Variants in MCTP1 observed in about 807,000 individuals in gnomAD.
The protein encoded by MCTP1 is multiple C2 and transmembrane domain-containing protein 1.
In MCTP1, 69 loss-of-function variants were observed where a neutral mutation model predicts 120.6. That is an observed-to-expected ratio of 0.57 (90% CI 0.47 to 0.70). The LOEUF is 0.70. MCTP1 is among the 30% of genes least tolerant of loss of function. The pLI is 0.00. For synonymous variants in MCTP1, 529 were observed against 493.1 expected (o/e 1.07, Z -0.96); for missense variants, 1,203 against 1,248.8 (o/e 0.96, Z 0.55).
At chr5:95,031,434 C>T (rs910896831) in intron 1 of MCTP1, among the ~76,000 whole-genome samples, 1 of 152,206 alleles carries the variant, frequency 6.6e-6, no homozygotes. Context: ...TAACAGTGGA[C>T]TTCTCAGCAG....
intron 6 of MCTP1, among the ~76,000 whole-genome samples, chr5:94,924,761 G>A (rs1323302507): frequency 6.6e-6 from 1 of 152,158 alleles, no homozygotes; most frequent in African/African-American, 2.4e-5. Flanking sequence ...GTCTCTAGGT[G>A]TCAGTTATGA....
chr5:95,204,454 T>C (rs907972409), intron 1 of MCTP1, among the ~76,000 whole-genome samples: 1 of 152,180 alleles, frequency 6.6e-6, no homozygotes, highest in Non-Finnish European at 1.5e-5. Context: ...CCCCTGACCC[T>C]AAGATCAGGA....
At chr5:95,204,915 G>T (rs1751455577) in intron 1 of MCTP1, among the ~76,000 whole-genome samples, 2 of 152,030 alleles carry the variant, frequency 1.3e-5, no homozygotes, top group African/African-American at 4.8e-5. Context: ...ATATCATTAA[G>T]ATGGCAATGC....
chr5:94,770,875 C>A (rs973826623), intron 19 of MCTP1, among the ~76,000 whole-genome samples: 1 of 152,112 alleles, frequency 6.6e-6, no homozygotes, highest in Non-Finnish European at 1.5e-5. Flanking sequence ...GATTCCTCAC[C>A]GTGCCTAATC....
At chr5:94,954,647 C>A (rs555508028) in intron 2 of MCTP1, among the ~76,000 whole-genome samples, 77 of 152,260 alleles carry the variant, frequency 5.1e-4, no homozygotes, top group Middle Eastern at 3.4e-3. Context: ...TTGATATCAT[C>A]TGGTCAACTA....
At chr5:95,173,378 T>C (rs1292009007) in intron 1 of MCTP1, among the ~76,000 whole-genome samples, 1 of 152,094 alleles carries the variant, frequency 6.6e-6, no homozygotes, top group Non-Finnish European at 1.5e-5. Context: ...AAGTAAAATA[T>C]AATCATAACC....
At chr5:95,254,846 G>A (rs1757719373) in intron 1 of MCTP1, among the ~76,000 whole-genome samples, 2 of 152,162 alleles carry the variant, frequency 1.3e-5, no homozygotes, top group Middle Eastern at 6.8e-3. Context: ...TGGAAGCATT[G>A]TTATACTAAT....
intron 1 of MCTP1, among the ~76,000 whole-genome samples, chr5:95,171,795 CTAGTTAGCCATTCATCTCATCTT>C (rs2152497960): frequency 6.6e-6 from 1 of 152,248 alleles, no homozygotes; most frequent in East Asian, 1.9e-4. Context: ...ACTGGTTAAT[CTAGTTAGCCATTCATCTCATCTT>C]TTTTCAAGGT....
At chr5:95,015,102 A>T (rs1477817867) in intron 2 of MCTP1, among the ~76,000 whole-genome samples, 1 of 152,140 alleles carries the variant, frequency 6.6e-6, no homozygotes, top group Non-Finnish European at 1.5e-5. Context: ...AATGCTATTC[A>T]CACTTAATAG....
intron 2 of MCTP1, among the ~76,000 whole-genome samples, chr5:94,965,607 C>G (rs1825401988): frequency 6.6e-6 from 1 of 152,108 alleles, no homozygotes; most frequent in African/African-American, 2.4e-5. Flanking sequence ...TTCTTAGTCT[C>G]AACAGGTATT....
chr5:94,772,730 G>A (rs544660111), intron 19 of MCTP1, among the ~76,000 whole-genome samples: 1 of 152,300 alleles, frequency 6.6e-6, no homozygotes, highest in Admixed American at 6.5e-5. Flanking sequence ...GGGGTGAAAG[G>A]TATATTCCCT....
rs994941054 is a variant in MCTP1, at chr5:95,283,890, G to T, written c.686C>A (p.Ala229Asp). 7.2e-7 allele frequency: 1 copy of T among 1,383,684 alleles called. No individual in the cohort carries two copies. Among genetic ancestry groups the T allele is most frequent in the Non-Finnish European group, 9.3e-7 (1 of 1,078,238 alleles). 85.7% of individuals were successfully genotyped at this position (1,383,684 alleles called of 1,614,324 possible). A position where few individuals can be genotyped will look rare whatever the true frequency, so the allele number is the denominator to read the frequency against. Residue 229 changes from alanine (A) to aspartate (D), a missense_variant, in exon 1 of 23, where the codon GCC (alanine) becomes GAC (aspartate). Physicochemically the swap from Ala to Asp is moderately radical, Grantham distance 126. Coordinates refer to ENST00000515393, the MANE Select transcript of MCTP1 (RefSeq NM_024717.7). ...EPARSPAESR[A>D]PETGEEHGSS... is the part of the protein sequence containing the mutation. Reference sequence around the variant, plus strand: ...GCCGTGCTCCTCGCCCGTCTCCGGGGCCCGAGACTCCGCGGGACTCCGCGC... The same window carrying T: ...GCCGTGCTCCTCGCCCGTCTCCGGGTCCCGAGACTCCGCGGGACTCCGCGC...
chr5:94,946,344 A>T (rs890624801), intron 3 of MCTP1, among the ~76,000 whole-genome samples: 1 of 152,150 alleles, frequency 6.6e-6, no homozygotes, highest in Non-Finnish European at 1.5e-5. Context: ...CTCATATCAC[A>T]TGCCTATTTA....
At chr5:94,853,207 G>A (rs1794090120) in intron 17 of MCTP1, among the ~76,000 whole-genome samples, 1 of 151,958 alleles carries the variant, frequency 6.6e-6, no homozygotes. Context: ...TAGGGCGGGG[G>A]AGAGAAACCA....
At chr5:94,715,383 AAAAAAAC>A (rs1293960786) in intron 19 of MCTP1, among the ~76,000 whole-genome samples, 2 of 151,112 alleles carry the variant, frequency 1.3e-5, no homozygotes, top group Non-Finnish European at 3.0e-5. Context: ...AAAAAAAAAA[AAAAAAAC>A]ACCACCACCA....
intron 1 of MCTP1, among the ~76,000 whole-genome samples, chr5:95,072,112 T>TGTGTGTGTGTGTGTGTGTGTGTGA (rs1437713153): frequency 6.6e-6 from 1 of 151,888 alleles, no homozygotes; most frequent in African/African-American, 2.4e-5. Context: ...TGTGTGTGTG[T>TGTGTGTGTGTGTGTGTGTGTGTGA]GATTGGAGGT....
At chr5:95,151,830 G>A (rs537567438) in intron 1 of MCTP1, among the ~76,000 whole-genome samples, 2 of 152,120 alleles carry the variant, frequency 1.3e-5, no homozygotes, top group Non-Finnish European at 2.9e-5. Flanking sequence ...CCTTTAACTC[G>A]CTGCCTCTGG....
intron 1 of MCTP1, among the ~76,000 whole-genome samples, chr5:95,228,984 G>C (rs2152640465): frequency 6.6e-6 from 1 of 152,230 alleles, no homozygotes; most frequent in Non-Finnish European, 1.5e-5. Flanking sequence ...CCCAGTCTCA[G>C]GTATTTCTTT....
chr5:95,246,636 A>G (rs1015358817), intron 1 of MCTP1, among the ~76,000 whole-genome samples: 6 of 152,224 alleles, frequency 3.9e-5, no homozygotes, highest in African/African-American at 1.2e-4. Flanking sequence ...TATGCACCCA[A>G]TACAGGAGCA....
Sources: allele counts gnomAD v4.1 joint callset (sites outside exome capture counted in the v4.1 genomes callset), GRCh38; gene constraint gnomAD v4.1.1; transcripts MANE v1.5; gene names NCBI Gene and HGNC (gene_info 2026-07-23, HGNC 2026-07-21).